HELZ: variants seen among roughly 807,000 people sequenced by gnomAD.
HELZ encodes the protein ATP-dependent RNA helicase with zinc finger domain.
Under a neutral mutation model 218.2 loss-of-function variants are expected in HELZ, and 23 were observed. That is an observed-to-expected ratio of 0.11 (90% CI 0.08 to 0.15). The LOEUF (loss-of-function observed/expected upper bound fraction) is 0.15, where lower values mean the gene tolerates loss of function less well. Among genes scored for constraint, HELZ ranks in the 10% least tolerant of loss-of-function variants. HELZ has a pLI of 1.00. For missense variants in HELZ, 1,813 were observed against 2,353.7 expected (o/e 0.77, Z 4.75); for synonymous variants, 814 against 829.4 (o/e 0.98, Z 0.32).
intron 18 of HELZ, 145 bp from the exon 19 acceptor site, chr17:67,150,130 CTTT>C (rs11408678): frequency 0.016 from 2,806 of 177,952 alleles, no homozygotes; most frequent in Middle Eastern, 0.04. Context: ...TATTTTCTTT[CTTT>C]TTTTTTTTTT....
rs1047758098 is a variant in HELZ at position 67,237,212 on chromosome 17, G to A, written c.-19+2221C>T. Reference sequence around the variant, plus strand: ...AGGCAAGAGAATCGCTTGAACCCAGGAGGCAGAGGTTGCAGTGAGCCGAGA... The same window carrying A: ...AGGCAAGAGAATCGCTTGAACCCAGAAGGCAGAGGTTGCAGTGAGCCGAGA... On this transcript the variant is annotated intron_variant, in intron 3 of 32. Coordinates refer to ENST00000358691, the MANE Select transcript of HELZ (RefSeq NM_014877.4). 2.0e-5 allele frequency among the ~76,000 whole-genome samples: 3 copies of A among 151,716 alleles called. No homozygotes were observed. In the South Asian group the frequency reaches 6.3e-4, roughly 32 times the overall value.
chr17:67,137,476 T>C lies in HELZ; in HGVS notation c.2953+455A>G, dbSNP rs1040889160. Among the ~76,000 whole-genome samples, 15 of 152,172 alleles carry C rather than the reference T, an allele frequency of 9.9e-5. No individual in the cohort carries two copies. The South Asian group carries it at 1.5e-3, about 15-fold the overall frequency. On this transcript the variant is annotated intron_variant, in intron 22 of 32. Transcript: ENST00000358691. ...ACATTGTATTAGGCTTCAATTAGAG[T>C]TCACATCAGAGTGTTGCTTCATATA... is the stretch of plus-strand genomic sequence containing the variant.
intron 5 of HELZ, among the ~76,000 whole-genome samples, chr17:67,215,500 C>T (rs909346737): frequency 1.3e-5 from 2 of 152,230 alleles, no homozygotes; most frequent in South Asian, 2.1e-4. Flanking sequence ...AGGCATGCGC[C>T]GCCACGCCCA....
chr17:67,181,849 C>T (rs2039620830), intron 12 of HELZ, among the ~76,000 whole-genome samples: 1 of 152,192 alleles, frequency 6.6e-6, no homozygotes, highest in Non-Finnish European at 1.5e-5. Context: ...TCTTTCCCTA[C>T]TTCATCTGAA....
chr17:67,095,127 A>T (rs2036703451), intron 31 of HELZ, among the ~76,000 whole-genome samples: 1 of 152,230 alleles, frequency 6.6e-6, no homozygotes, highest in African/African-American at 2.4e-5. Flanking sequence ...AACTAAATTT[A>T]TGGAATATTC....
intron 7 of HELZ, 35 bp from the exon 8 acceptor site, chr17:67,195,505 A>T: frequency 7.9e-7 from 1 of 1,272,534 alleles, no homozygotes; most frequent in African/African-American, 1.5e-5. Context: ...TTTTTAAACA[A>T]GAATAACGTT....
intron 25 of HELZ, 140 bp downstream of exon 25, chr17:67,123,823 G>GTGTGTGTT: frequency 1.5e-6 from 1 of 684,956 alleles, no homozygotes; most frequent in East Asian, 2.7e-5. Context: ...GACTGTGTGT[G>GTGTGTGTT]TGTGTGTGTG....
At chr17:67,164,155 A>C (rs374879215) in intron 15 of HELZ, among the ~76,000 whole-genome samples, 14 of 152,256 alleles carry the variant, frequency 9.2e-5, no homozygotes, top group African/African-American at 7.2e-5. Context: ...AATAAGACGC[A>C]GTCTCTTCCT....
chr17:67,168,248 C>T (rs1598358012), intron 13 of HELZ, among the ~76,000 whole-genome samples: 1 of 151,922 alleles, frequency 6.6e-6, no homozygotes, highest in Non-Finnish European at 1.5e-5. Context: ...CAAAGTGCTG[C>T]GATTACAGAT....
chr17:67,106,021 A>G (rs1229934931), intron 31 of HELZ, among the ~76,000 whole-genome samples: 1 of 152,216 alleles, frequency 6.6e-6, no homozygotes, highest in African/African-American at 2.4e-5. Context: ...TTTAGATATC[A>G]TTCTGAAACT....
intron 31 of HELZ, among the ~76,000 whole-genome samples, chr17:67,099,667 C>T (rs922703965): frequency 3.9e-5 from 6 of 152,124 alleles, no homozygotes; most frequent in Non-Finnish European, 7.4e-5. Context: ...AATTTGCTTA[C>T]CACTGTCTTA....
At chr17:67,245,421 T>C, upstream of HELZ, 2 of 927,180 alleles carry the variant, frequency 2.2e-6, no homozygotes, top group Non-Finnish European at 2.6e-6. Flanking sequence ...GTTTTCTCCC[T>C]TTCTCCTGCC....
intron 31 of HELZ, among the ~76,000 whole-genome samples, chr17:67,102,862 ACT>A (rs2036972737): frequency 6.6e-6 from 1 of 152,236 alleles, no homozygotes; most frequent in Admixed American, 6.5e-5. Flanking sequence ...CTAAGAACCC[ACT>A]GACAATGAAA....
intron 5 of HELZ, among the ~76,000 whole-genome samples, chr17:67,210,494 A>G (rs1457003555): frequency 6.6e-6 from 1 of 152,232 alleles, no homozygotes; most frequent in African/African-American, 2.4e-5. Context: ...CAAATCTTAC[A>G]GCCTCATAAA....
chr17:67,112,830 G>A (rs2037320947), intron 28 of HELZ, among the ~76,000 whole-genome samples: 1 of 152,160 alleles, frequency 6.6e-6, no homozygotes, highest in Non-Finnish European at 1.5e-5. Context: ...GGGAGGCTGA[G>A]CAGGAACTTT....
intron 7 of HELZ, among the ~76,000 whole-genome samples, chr17:67,197,236 C>T (rs539266554): frequency 2.6e-5 from 4 of 152,166 alleles, no homozygotes; most frequent in Non-Finnish European, 5.9e-5. Context: ...ACCCCTTTCA[C>T]TTGACTCTCA....
At chr17:67,183,994 G>A (rs756040879) in intron 12 of HELZ, among the ~76,000 whole-genome samples, 1 of 150,836 alleles carries the variant, frequency 6.6e-6, no homozygotes, top group Non-Finnish European at 1.5e-5. Context: ...TTTAGGTACA[G>A]TGACAGTAAT....
rs1397192875 is a variant in HELZ, at chr17:67,166,478, C to T, written c.1895G>A (p.Arg632Lys). The T allele has an allele frequency of 6.2e-7, 1 of 1,608,724 alleles. No individual in the cohort carries two copies. The highest frequency in any genetic ancestry group is 8.5e-7 in the Non-Finnish European group (1 of 1,176,874). The change falls in exon 15 of 33, where the codon AGA becomes AAA. Residue 632 changes from arginine (R) to lysine (K), a missense_variant and splice_region_variant. Physicochemically the swap from Arg to Lys is conservative, Grantham distance 26. This residue lies in a region of HELZ where 714 missense variants were observed against 1,029.2 expected (regional missense o/e 0.69). Transcript: ENST00000358691. ...MTPTIPWSPN[R>K]QWDEQLDPRL... Reference sequence around the variant, plus strand: ...TTAATAAGATATCGCCTTTTTGTACCTGTTAGGACTCCATGGTATGGTGGG... The same window carrying T: ...TTAATAAGATATCGCCTTTTTGTACTTGTTAGGACTCCATGGTATGGTGGG...
At chr17:67,187,540 GGTTA>G (rs1189677404) in intron 12 of HELZ, among the ~76,000 whole-genome samples, 2 of 152,152 alleles carry the variant, frequency 1.3e-5, no homozygotes, top group Non-Finnish European at 2.9e-5. Flanking sequence ...TCCACAATAT[GGTTA>G]GTTATAGTCA....
Sources: gnomAD v4.1 joint callset for allele counts (sites outside exome capture counted in the v4.1 genomes callset) on GRCh38, gnomAD v4.1.1 for gene constraint, gnomAD v4.1.1 regional missense constraint, MANE v1.5 for transcripts, NCBI Gene and HGNC (gene_info 2026-07-23, HGNC 2026-07-21) for gene names.